The following RARS1 variants were observed in gnomAD, a reference collection of about 807,000 sequenced individuals.
RARS1 encodes the protein arginine--tRNA ligase, cytoplasmic.
Under a neutral mutation model 78.7 loss-of-function variants are expected in RARS1, and 75 were observed. The ratio of observed to expected loss-of-function variants is 0.95; its 90% CI spans 0.79 to 1.15. The LOEUF is 1.15. Ranked by LOEUF, RARS1 falls within the 50% of genes most tolerant of loss-of-function variation. The probability of loss-of-function intolerance (pLI) is 0.00; values close to 1 mark genes in which losing one functional copy is unlikely to be tolerated. For synonymous variants in RARS1, 273 were observed against 268.2 expected (o/e 1.02, Z -0.18); for missense variants, 787 against 787.5 (o/e 1.00, Z 0.01).
At chr5:168,509,447 C>A (rs1035668608) in intron 11 of RARS1, among the ~76,000 whole-genome samples, 1 of 147,854 alleles carries the variant, frequency 6.8e-6, no homozygotes, top group Non-Finnish European at 1.5e-5. Context: ...CACCCCCCCC[C>A]CCCCACCAAA....
chr5:168,515,156 C>T (rs1758638970), intron 12 of RARS1, among the ~76,000 whole-genome samples: 1 of 151,996 alleles, frequency 6.6e-6, no homozygotes, highest in Non-Finnish European at 1.5e-5. Flanking sequence ...AGTATTTTCC[C>T]CCTTTGTCAT....
intron 7 of RARS1, chr5:168,497,926 A>ATGTTAAAAATCAAATTCTAGG (rs1292848452): frequency 6.6e-6 from 1 of 151,720 alleles, no homozygotes; most frequent in Non-Finnish European, 1.5e-5. Flanking sequence ...TTATTGGCGT[A>ATGTTAAAAATCAAATTCTAGG]TGTTAAAAAT....
At chr5:168,516,745 A>G in intron 12 of RARS1, 33 bp from the exon 13 acceptor site, 2 of 1,607,222 alleles carry the variant, frequency 1.2e-6, no homozygotes, top group South Asian at 1.1e-5. Flanking sequence ...AGCAGTCAGT[A>G]AGCTATGAAA....
At chr5:168,498,625 GT>G (rs1758250789) in intron 7 of RARS1, among the ~76,000 whole-genome samples, 1 of 152,084 alleles carries the variant, frequency 6.6e-6, no homozygotes, top group Non-Finnish European at 1.5e-5. Context: ...TAGAGGTGTT[GT>G]TATTCAGTAA....
chr5:168,507,970 A>AG (rs1470228638), intron 11 of RARS1, among the ~76,000 whole-genome samples: 1 of 151,964 alleles, frequency 6.6e-6, no homozygotes, highest in Non-Finnish European at 1.5e-5. Flanking sequence ...AGTTACAGTG[A>AG]GGCGAGATCA....
chr5:168,495,374 G>A lies in RARS1; in HGVS notation c.639G>A (p.Arg213=). The change falls in exon 6 of 15, where the codon AGG becomes AGA. Residue 213 remains arginine, a synonymous_variant. Transcript: ENST00000231572. The part of the protein sequence containing the change: ...IAKEMHVGHL[R]STIIGESISR... Reference sequence around the variant, plus strand: ...AAGAGATGCATGTAGGCCACCTGAGGTCAACTATCATAGGAGAGAGTATAA... The same window carrying A: ...AAGAGATGCATGTAGGCCACCTGAGATCAACTATCATAGGAGAGAGTATAA... 1 of 1,614,026 alleles carries A rather than the reference G, an allele frequency of 6.2e-7. No individual in the cohort carries two copies. Among genetic ancestry groups the A allele is most frequent in the Non-Finnish European group, 8.5e-7 (1 of 1,179,958 alleles).
At position 168,515,413 on chromosome 5, in the gene RARS1, A is replaced by G. The variant is rs111545111; in HGVS notation, c.1453-1365A>G. On this transcript the variant is annotated intron_variant, in intron 12 of 14. Transcript: ENST00000231572. ...GTGATCCTTCCACCTCAGACTCCCAAGTAGCTGCGTTACAGGCATGAGCCA... is the reference window on the plus strand; with the variant it reads ...GTGATCCTTCCACCTCAGACTCCCAGGTAGCTGCGTTACAGGCATGAGCCA... Among the ~76,000 whole-genome samples, 432 of 152,294 alleles carry G rather than the reference A, an allele frequency of 2.8e-3. 2 individuals carry two copies. The highest frequency in any genetic ancestry group is 9.3e-3 in the African/African-American group (386 of 41,566).
chr5:168,502,002 G>A lies in RARS1; in HGVS notation c.954G>A (p.Glu318=). The change falls in exon 9 of 15, where the codon GAG becomes GAA. Residue 318 remains glutamate (E), a splice_region_variant and synonymous_variant. Coordinates refer to ENST00000231572, the MANE Select transcript of RARS1 (RefSeq NM_002887.4). ...WKLICDVSRQ[E]LNKIYDALDV... ...GTGGCATTTTATTTTCTTCCCTAGA[G>A]TTAAATAAAATCTATGATGCATTGG... The A allele has an allele frequency of 6.3e-7, 1 of 1,583,122 alleles. No individual in the cohort carries two copies. The highest frequency in any genetic ancestry group is 8.6e-7 in the Non-Finnish European group (1 of 1,169,054).
chr5:168,510,994 G>A (rs1325163316), intron 12 of RARS1, among the ~76,000 whole-genome samples: 8 of 152,068 alleles, frequency 5.3e-5, no homozygotes, highest in South Asian at 2.1e-4. Context: ...GGTTTGATTC[G>A]TCAGCTCACA....
At chr5:168,494,373 G>A (rs1287214204) in intron 4 of RARS1, 177 bp from the exon 5 acceptor site, 5 of 985,412 alleles carry the variant, frequency 5.1e-6, no homozygotes, top group Non-Finnish European at 6.0e-6. Flanking sequence ...AGTGGTGAAG[G>A]CTTGAAGTAG....
chr5:168,496,763 C>T (rs549932715), intron 6 of RARS1, among the ~76,000 whole-genome samples: 167 of 152,236 alleles, frequency 1.1e-3, no homozygotes, highest in African/African-American at 3.7e-3. Context: ...GGATTACAGG[C>T]GTGAGCCATT....
At chr5:168,514,981 T>C (rs1174377308) in intron 12 of RARS1, among the ~76,000 whole-genome samples, 4 of 152,180 alleles carry the variant, frequency 2.6e-5, no homozygotes, top group Admixed American at 6.5e-5. Context: ...ATAAGTCTTA[T>C]AAGCTGTACT....
chr5:168,495,473 T>C lies in RARS1; in HGVS notation c.701+37T>C, dbSNP rs112132879. On this transcript the variant is annotated intron_variant, in intron 6 of 14. Transcript: ENST00000231572. The stretch of plus-strand genomic sequence containing the variant: ...TGCCTTGCGTACTATTCTCTTTCCT[T>C]ATTTTCTTGTTTGGAAAATTCTATA... The C allele has an allele frequency of 7.7e-4, 1,219 of 1,586,166 alleles. 7 individuals carry two copies. In the African/African-American group the frequency reaches 0.012, roughly 15 times the overall value.
At chr5:168,513,218 TGTA>T (rs1376710826) in intron 12 of RARS1, among the ~76,000 whole-genome samples, 3 of 140,902 alleles carry the variant, frequency 2.1e-5, no homozygotes, top group Non-Finnish European at 4.7e-5. Context: ...GCTAATTTTT[TGTA>T]TTTTTTTTTT....
intron 7 of RARS1, among the ~76,000 whole-genome samples, chr5:168,499,937 C>T (rs1758280438): frequency 6.6e-6 from 1 of 152,006 alleles, no homozygotes; most frequent in Non-Finnish European, 1.5e-5. Context: ...CCTGTAATCC[C>T]AGCACTTTGG....
chr5:168,511,685 A>G (rs1758566499), intron 12 of RARS1, among the ~76,000 whole-genome samples: 1 of 152,182 alleles, frequency 6.6e-6, no homozygotes, highest in African/African-American at 2.4e-5. Flanking sequence ...GTGCATAGTA[A>G]AATGCACAGC....
chr5:168,505,671 T>C (rs1040553143), intron 9 of RARS1, among the ~76,000 whole-genome samples: 1 of 147,504 alleles, frequency 6.8e-6, no homozygotes, highest in Non-Finnish European at 1.5e-5. Flanking sequence ...CCCAGGAGTT[T>C]GAGACCGGCC....
intron 3 of RARS1, 49 bp downstream of exon 3, chr5:168,492,896 T>C (rs1421711640): frequency 2.2e-6 from 3 of 1,386,204 alleles, no homozygotes; most frequent in South Asian, 2.8e-5. Context: ...TAAGTATTAT[T>C]ATCATCATTG....
chr5:168,491,100 G>A (rs1758072755), intron 2 of RARS1, among the ~76,000 whole-genome samples: 1 of 152,190 alleles, frequency 6.6e-6, no homozygotes, highest in Non-Finnish European at 1.5e-5. Context: ...TCGTGCCACT[G>A]CACTCCAGCC....
Sources: gnomAD v4.1 joint callset for allele counts (sites outside exome capture counted in the v4.1 genomes callset) on GRCh38, gnomAD v4.1.1 for gene constraint, MANE v1.5 for transcripts, NCBI Gene and HGNC (gene_info 2026-07-23, HGNC 2026-07-21) for gene names.